Variants in MTSS2 observed in about 807,000 individuals in gnomAD.
The protein encoded by MTSS2 is protein MTSS 2.
A neutral mutation model predicts 67.1 loss-of-function variants in MTSS2; 27 were observed. That is an observed-to-expected ratio of 0.40 (90% CI 0.30 to 0.55). The LOEUF is 0.55. Ranked by LOEUF, MTSS2 falls within the 20% of genes least tolerant of loss-of-function variation. The pLI, the probability that MTSS2 is intolerant of heterozygous loss-of-function variation, is 0.43. For synonymous variants in MTSS2, 624 were observed against 468.6 expected, an observed-to-expected ratio of 1.33 and a Z score of -4.28; for missense variants, 1,171 against 1,067.8, an observed-to-expected ratio of 1.10 and a Z score of -1.35.
chr16:70,665,309 G>A, intron 12 of MTSS2, 157 bp downstream of exon 12: 2 of 956,848 alleles, frequency 2.1e-6, no homozygotes, highest in South Asian at 3.4e-5. Context: ...AGTGACTGTA[G>A]GAAATGGCCA....
chr16:70,671,738 C>T (rs1281238735), intron 11 of MTSS2, among the ~76,000 whole-genome samples: 1 of 152,190 alleles, frequency 6.6e-6, no homozygotes, highest in Admixed American at 6.5e-5. Context: ...AATGACTCTC[C>T]AGTGGAGAAA....
intron 1 of MTSS2, among the ~76,000 whole-genome samples, chr16:70,684,357 A>C (rs1188241459): frequency 8.4e-6 from 1 of 119,366 alleles, no homozygotes; most frequent in Non-Finnish European, 1.7e-5. Flanking sequence ...TCCCAGGGGG[A>C]GTGCACCATG....
rs773840353 is a variant in MTSS2, at chr16:70,685,816, G to A, written c.-25C>T. 6 of 1,261,030 alleles carry A rather than the reference G, an allele frequency of 4.8e-6. No homozygotes were observed. Among genetic ancestry groups the A allele is most frequent in the Non-Finnish European group, 6.1e-6 (6 of 985,602 alleles). 78.1% of individuals were successfully genotyped at this position (1,261,030 alleles called of 1,614,324 possible). A position where few individuals can be genotyped will look rare whatever the true frequency, so the allele number is the denominator to read the frequency against. ...TGCTCTGGCTGGGCCGGGCCGCGGCGGCGGCTAGGCGCACGGAGCGCGGGG... is the reference window on the plus strand; with the variant it reads ...TGCTCTGGCTGGGCCGGGCCGCGGCAGCGGCTAGGCGCACGGAGCGCGGGG... On this transcript the variant is annotated 5_prime_UTR_variant, in exon 1 of 15. Coordinates refer to ENST00000338779, the MANE Select transcript of MTSS2 (RefSeq NM_138383.3).
At chr16:70,668,362 T>C (rs371325918) in intron 11 of MTSS2, among the ~76,000 whole-genome samples, 2 of 151,550 alleles carry the variant, frequency 1.3e-5, no homozygotes, top group East Asian at 3.9e-4. Flanking sequence ...GAGCCAATAC[T>C]GTACCTCTGC....
Position 70,674,477 on chromosome 16 carries a change from C to T in MTSS2, c.882G>A (p.Gly294=). Residue 294 remains glycine, a synonymous_variant, in exon 11 of 15, where the codon GGG becomes GGA. Transcript: ENST00000338779. ...SAKGGGAPWP[G]GAQTYSPSST... ...AACTGGGTGAGTATGTTTGGGCACC[C>T]CCAGGCCATGGGGCTCCGCCACCCT... 1 of 1,614,040 alleles carries T rather than the reference C, an allele frequency of 6.2e-7. No homozygotes were observed.
chr16:70,668,902 T>C (rs1454749416), intron 11 of MTSS2, among the ~76,000 whole-genome samples: 1 of 152,188 alleles, frequency 6.6e-6, no homozygotes, highest in Non-Finnish European at 1.5e-5. Flanking sequence ...GGTTATGGTA[T>C]TTTGTTACGG....
At chr16:70,682,013 T>C (rs1000948445) in intron 1 of MTSS2, among the ~76,000 whole-genome samples, 3 of 152,232 alleles carry the variant, frequency 2.0e-5, no homozygotes, top group Non-Finnish European at 2.9e-5. Context: ...GAAAGGGGAA[T>C]GCGGAGACCC....
chr16:70,664,087 T>A lies in MTSS2; in HGVS notation c.1834A>T (p.Ser612Cys). The A allele has an allele frequency of 6.2e-7, 1 of 1,611,808 alleles. No individual in the cohort carries two copies. The highest frequency in any genetic ancestry group is 8.5e-7 in the Non-Finnish European group (1 of 1,179,610). Residue 612 changes from serine (S) to cysteine (C), a missense_variant, in exon 15 of 15, where the codon AGT becomes TGT. By Grantham distance (112) the Ser-to-Cys change is moderately radical (BLOSUM62 -1). Around this residue, in one of 2 missense-constraint regions of MTSS2, gnomAD observed 924 missense variants for 756.0 expected, o/e 1.22. Transcript: ENST00000338779. ...TCGGTATAGAAGACGCACTCCTCAC[T>A]GCCCGCCCGTGTGGGCCCCATGTAG... Reference protein sequence around the residue: ...PGYMGPTRAGSEECVFYTDET... With the variant: ...PGYMGPTRAGCEECVFYTDET...
chr16:70,671,804 G>A (rs1238448288), intron 11 of MTSS2, among the ~76,000 whole-genome samples: 3 of 152,212 alleles, frequency 2.0e-5, no homozygotes, highest in South Asian at 2.1e-4. Flanking sequence ...GTCACACGAC[G>A]CAGTGACATT....
At chr16:70,672,379 C>T (rs981891814) in intron 11 of MTSS2, among the ~76,000 whole-genome samples, 4 of 149,316 alleles carry the variant, frequency 2.7e-5, no homozygotes, top group Admixed American at 6.7e-5. Flanking sequence ...GAGAAAAACC[C>T]GGGAACATTA....
Position 70,680,801 on chromosome 16 carries a change from G to T in MTSS2, c.198C>A (p.Asn66Lys). The change falls in exon 3 of 15, where the codon AAC (asparagine) becomes AAA (lysine). Residue 66 changes from asparagine (N) to lysine (K), a missense_variant. Asn to Lys is a moderately conservative substitution (Grantham distance 94). Coordinates refer to ENST00000338779, the MANE Select transcript of MTSS2 (RefSeq NM_138383.3). The stretch of plus-strand genomic sequence containing the variant: ...AGCCACGCGCCTCCCCACCTCGGGT[G>T]TTGGTAGCCATGTCAGCCACTTTCT... ...AFQKVADMAT[N>K]TRGATRDIGS... 6.4e-7 allele frequency: 1 copy of T among 1,552,972 alleles called. No homozygotes were observed. Among genetic ancestry groups the T allele is most frequent in the Non-Finnish European group, 8.7e-7 (1 of 1,148,366 alleles).
chr16:70,679,245 T>C, intron 7 of MTSS2, 70 bp downstream of exon 7: 1 of 1,587,836 alleles, frequency 6.3e-7, no homozygotes, highest in South Asian at 1.1e-5. Flanking sequence ...CCAATGGCCC[T>C]GAGCTGGGGG....
At position 70,663,814 on chromosome 16, in the gene MTSS2, G is replaced by T. The variant is rs753512607; in HGVS notation, c.2107C>A (p.Pro703Thr). ...FPFPTALSAT[P>T]TEETPTPPPA... ...GGTGGGGTGGGCGTCTCCTCCGTGG[G>T]GGTGGCCGACAGAGCAGTGGGGAAG... Residue 703 changes from proline (P) to threonine (T), a missense_variant, in exon 15 of 15, where the codon CCC becomes ACC. Pro to Thr is a conservative substitution (Grantham distance 38). This residue lies in a region of MTSS2 where 924 missense variants were observed against 756.0 expected (regional missense o/e 1.22). Coordinates refer to ENST00000338779, the MANE Select transcript of MTSS2 (RefSeq NM_138383.3). The T allele has an allele frequency of 4.4e-5, 67 of 1,532,228 alleles. No individual in the cohort carries two copies. Among genetic ancestry groups the T allele is most frequent in the Admixed American group, 6.0e-5 (3 of 50,104 alleles). The allele number at this position is 1,532,228 out of a possible 1,614,324, so 94.9% of individuals were successfully genotyped here. A position where few individuals can be genotyped will look rare whatever the true frequency, so the allele number is the denominator to read the frequency against.
intron 11 of MTSS2, among the ~76,000 whole-genome samples, chr16:70,667,482 C>G (rs1018239881): frequency 2.0e-5 from 3 of 151,950 alleles, no homozygotes; most frequent in Non-Finnish European, 1.5e-5. Context: ...AAAACAAAAC[C>G]ACCCTAAAAC....
chr16:70,672,216 G>A (rs534450440), intron 11 of MTSS2, among the ~76,000 whole-genome samples: 53 of 152,126 alleles, frequency 3.5e-4, no homozygotes, highest in Non-Finnish European at 6.0e-4. Flanking sequence ...GCATGGTGGC[G>A]CATGCCTGTA....
intron 11 of MTSS2, among the ~76,000 whole-genome samples, chr16:70,668,561 C>T (rs2052807311): frequency 1.3e-5 from 2 of 152,278 alleles, no homozygotes; most frequent in East Asian, 1.9e-4. Flanking sequence ...ATGAAGGCAG[C>T]ACTGCTGTGC....
chr16:70,677,125 T>A lies in MTSS2; in HGVS notation c.733-147A>T, dbSNP rs888622368. ...CCCCTCCCCCAGGCTCCTCCTAATG[T>A]GGGGAGCAGGGAGACACCAGAGGAC... is the stretch of plus-strand genomic sequence containing the variant. On this transcript the variant is annotated intron_variant, in intron 9 of 14. Coordinates refer to ENST00000338779, the MANE Select transcript of MTSS2 (RefSeq NM_138383.3). 11 of 632,624 alleles carry A rather than the reference T, an allele frequency of 1.7e-5. No individual in the cohort carries two copies. In the African/African-American group the frequency reaches 1.9e-4, roughly 11 times the overall value. The allele number at this position is 632,624 out of a possible 1,614,324, so 39.2% of individuals were successfully genotyped here. A position where few individuals can be genotyped will look rare whatever the true frequency, so the allele number is the denominator to read the frequency against.
At chr16:70,679,414 G>T in intron 6 of MTSS2, 91 bp from the exon 7 acceptor site, 1 of 1,512,588 alleles carries the variant, frequency 6.6e-7, no homozygotes, top group African/African-American at 1.4e-5. Flanking sequence ...TCCTGGGGCG[G>T]GGGTGCCTGG....
chr16:70,684,144 C>T lies in MTSS2; in HGVS notation c.69+1579G>A, dbSNP rs1044757149. 7.2e-5 allele frequency among the ~76,000 whole-genome samples: 11 copies of T among 152,252 alleles called. 1 individual carries two copies. Among genetic ancestry groups the T allele is most frequent in the Admixed American group, 7.2e-4 (11 of 15,298 alleles). On this transcript the variant is annotated intron_variant, in intron 1 of 14. Transcript: ENST00000338779. ...AATCTGCTGCTCTCTGCAGTGGTTG[C>T]TATGAGGCTGCCAGTGGTGGTGGGT...
Sources: allele counts gnomAD v4.1 joint callset (sites outside exome capture counted in the v4.1 genomes callset), GRCh38; gene constraint gnomAD v4.1.1; regional missense constraint gnomAD v4.1.1; transcripts MANE v1.5; gene names NCBI Gene and HGNC (gene_info 2026-07-23, HGNC 2026-07-21).